The following HDHD5 variants were observed in gnomAD, a reference collection of about 807,000 sequenced individuals.
HDHD5 encodes haloacid dehalogenase like hydrolase domain containing 5, also known as haloacid dehalogenase-like hydrolase domain-containing 5.
In HDHD5, 34 loss-of-function variants were observed where a neutral mutation model predicts 35.5. That is an observed-to-expected ratio of 0.96 (90% CI 0.73 to 1.28). HDHD5 has a LOEUF of 1.28. Ranked by LOEUF, HDHD5 falls within the 50% of genes most tolerant of loss-of-function variation. HDHD5 has a pLI of 0.00. For synonymous variants in HDHD5, 248 were observed against 240.6 expected, an observed-to-expected ratio of 1.03 and a Z score of -0.29; for missense variants, 589 against 560.2, an observed-to-expected ratio of 1.05 and a Z score of -0.52.
chr22:17,140,245 T>C (rs1346156204), intron 6 of HDHD5, among the ~76,000 whole-genome samples: 3 of 152,196 alleles, frequency 2.0e-5, no homozygotes, highest in African/African-American at 7.2e-5. Flanking sequence ...ACACAGCAGC[T>C]GTCAGCTGGC....
intron 6 of HDHD5, among the ~76,000 whole-genome samples, chr22:17,140,815 G>A (rs1428684598): frequency 2.0e-5 from 3 of 152,196 alleles, no homozygotes; most frequent in African/African-American, 2.4e-5. Context: ...CAGGGGTCAC[G>A]TGTGAAACAT....
Position 17,141,174 on chromosome 22 carries a change from C to T in HDHD5, c.631G>A (p.Val211Ile), listed in dbSNP as rs2061597185. The change falls in exon 6 of 8, where the codon GTC becomes ATC. Residue 211 changes from valine (V) to isoleucine (I), a missense_variant. By Grantham distance (29) the Val-to-Ile change is conservative. Transcript: ENST00000336737. Reference protein sequence around the residue: ...WETSLQLIMDVLLSNGSPGAG... With the variant: ...WETSLQLIMDILLSNGSPGAG... ...CCAGGGCTCCCATTGCTGAGGAGGACATCCATGATCAGCTGCAGGCTGGTC... is the reference window on the plus strand; with the variant it reads ...CCAGGGCTCCCATTGCTGAGGAGGATATCCATGATCAGCTGCAGGCTGGTC... The T allele has an allele frequency of 6.3e-7, 1 of 1,597,658 alleles. No individual in the cohort carries two copies. Among genetic ancestry groups the T allele is most frequent in the Non-Finnish European group, 8.5e-7 (1 of 1,172,802 alleles).
At chr22:17,149,785 A>G (rs1244324416) in intron 1 of HDHD5, 40 bp from the exon 2 acceptor site, 2 of 1,576,716 alleles carry the variant, frequency 1.3e-6, no homozygotes, top group African/African-American at 2.7e-5. Context: ...CGTGAGTAAC[A>G]AAGAAACAAC....
chr22:17,154,141 C>T (rs1215228105), intron 1 of HDHD5, among the ~76,000 whole-genome samples: 4 of 149,792 alleles, frequency 2.7e-5, no homozygotes, highest in Admixed American at 1.3e-4. Context: ...GGATTACAGG[C>T]GTGAGCCACC....
At chr22:17,152,012 C>T (rs2061732093) in intron 1 of HDHD5, among the ~76,000 whole-genome samples, 1 of 152,132 alleles carries the variant, frequency 6.6e-6, no homozygotes, top group African/African-American at 2.4e-5. Flanking sequence ...CCCAGTCACC[C>T]CCAGACTAGA....
intron 1 of HDHD5, among the ~76,000 whole-genome samples, chr22:17,152,982 G>A (rs746849092): frequency 1.5e-4 from 23 of 151,910 alleles, no homozygotes; most frequent in Non-Finnish European, 2.8e-4. Flanking sequence ...AGCAACTCGA[G>A]CCAACAAGAT....
intron 1 of HDHD5, among the ~76,000 whole-genome samples, chr22:17,150,863 C>T (rs1353697978): frequency 2.0e-5 from 3 of 152,170 alleles, no homozygotes; most frequent in Non-Finnish European, 4.4e-5. Flanking sequence ...TCCTAAACAT[C>T]ATTTCTGGCT....
intron 1 of HDHD5, among the ~76,000 whole-genome samples, chr22:17,153,819 G>A (rs2123872942): frequency 6.6e-6 from 1 of 152,180 alleles, no homozygotes; most frequent in Non-Finnish European, 1.5e-5. Context: ...GGGAGAAATA[G>A]ATACTTCCCG....
upstream of HDHD5, among the ~76,000 whole-genome samples, chr22:17,160,010 G>C (rs1293619934): frequency 2.0e-5 from 3 of 152,238 alleles, no homozygotes; most frequent in Non-Finnish European, 4.4e-5. Context: ...GAGGCCCTTA[G>C]CAGAGCTGGA....
rs2061703396 is a variant in HDHD5 at position 17,149,638 on chromosome 22, C to T, written c.234G>A (p.Gln78=). Residue 78 remains glutamine (Q), a synonymous_variant, in exon 2 of 8, where the codon CAG becomes CAA. Transcript: ENST00000336737. ...LKAFRRLVNS[Q]GQLRVPVVFV... is the part of the protein sequence containing the mutation. ...AAACCACGGGCACCCGCAGCTGCCC[C>T]TGGGAGTTCACCAGCCTTCGGAAGG... The T allele has an allele frequency of 2.5e-5, 40 of 1,613,654 alleles. No homozygotes were observed. The East Asian group carries it at 8.5e-4, about 34-fold the overall frequency.
chr22:17,163,307 G>A (rs925319379), upstream of HDHD5, among the ~76,000 whole-genome samples: 8 of 152,140 alleles, frequency 5.3e-5, no homozygotes, highest in Non-Finnish European at 1.2e-4. Context: ...GGCTTCAGAG[G>A]TCCAGGATTC....
Position 17,145,131 on chromosome 22 carries a change from AG to A in HDHD5, c.444-15del, listed in dbSNP as rs541910955. On this transcript the variant is annotated splice_polypyrimidine_tract_variant and intron_variant, in intron 3 of 7. Transcript: ENST00000336737. ...CGGAAGCCCAGTCTGGAGCAAGCTC[AG>A]GAAGTAATGCTGGACAGTTCTTGGG... 1 of 1,614,036 alleles carries A rather than the reference AG, an allele frequency of 6.2e-7. No homozygotes were observed. Among genetic ancestry groups the A allele is most frequent in the Non-Finnish European group, 8.5e-7 (1 of 1,179,974 alleles).
intron 4 of HDHD5, among the ~76,000 whole-genome samples, chr22:17,144,489 C>G (rs1168474728): frequency 1.3e-5 from 2 of 150,894 alleles, no homozygotes; most frequent in Non-Finnish European, 2.9e-5. Flanking sequence ...TGTCAGCTCA[C>G]TGCAACCTCT....
chr22:17,137,896 T>C lies in HDHD5; in HGVS notation c.*125A>G. 2 of 704,540 alleles carry C rather than the reference T, an allele frequency of 2.8e-6. No individual in the cohort carries two copies. The highest frequency in any genetic ancestry group is 4.7e-6 in the Non-Finnish European group (2 of 424,540). The allele number at this position is 704,540 out of a possible 1,614,324, so 43.6% of individuals were successfully genotyped here. On this transcript the variant is annotated 3_prime_UTR_variant, in exon 8 of 8. Coordinates refer to ENST00000336737, the MANE Select transcript of HDHD5 (RefSeq NM_033070.3). The stretch of plus-strand genomic sequence containing the variant: ...CAAGTGACCAGTAATGCCACACTCA[T>C]GGGGCAGCAAGAAGGGTGGCAAGGG...
At chr22:17,161,510 G>C (rs937631746), upstream of HDHD5, among the ~76,000 whole-genome samples, 11 of 151,800 alleles carry the variant, frequency 7.2e-5, no homozygotes, top group Non-Finnish European at 1.3e-4. Flanking sequence ...AGAGAGCTGA[G>C]CTGAGATTGA....
In HDHD5 at chr22:17,141,123, G is replaced by A. The variant is rs2061595653; in HGVS notation, c.682C>T (p.Pro228Ser). 6 of 1,596,498 alleles carry A rather than the reference G, an allele frequency of 3.8e-6. No homozygotes were observed. The highest frequency in any genetic ancestry group is 5.1e-6 in the Non-Finnish European group (6 of 1,173,084). The change falls in exon 6 of 8, where the codon CCC becomes TCC. Residue 228 changes from proline (P) to serine (S), a missense_variant. Physicochemically the swap from Pro to Ser is moderately conservative, Grantham distance 74. Coordinates refer to ENST00000336737, the MANE Select transcript of HDHD5 (RefSeq NM_033070.3). ...PGAGLATPPY[P>S]HLPVLASNMD... ...TTGCTGGCTAGGACGGGGAGGTGGGGGTAGGGGGGTGTTGCCAGGCCAGCC... is the reference window on the plus strand; with the variant it reads ...TTGCTGGCTAGGACGGGGAGGTGGGAGTAGGGGGGTGTTGCCAGGCCAGCC...
At chr22:17,146,475 T>C (rs174778) in intron 3 of HDHD5, among the ~76,000 whole-genome samples, 4,334 of 45,364 alleles carry the variant, frequency 0.096, 4 homozygotes, top group East Asian at 0.11. Flanking sequence ...TCGCACACGC[T>C]CCACACCTGT....
chr22:17,162,652 T>C (rs2061870711), upstream of HDHD5, among the ~76,000 whole-genome samples: 1 of 152,236 alleles, frequency 6.6e-6, no homozygotes, highest in African/African-American at 2.4e-5. Flanking sequence ...AGACTGTGTG[T>C]GTACGTGATA....
chr22:17,160,974 G>C (rs892230971), upstream of HDHD5, among the ~76,000 whole-genome samples: 23 of 152,168 alleles, frequency 1.5e-4, no homozygotes, highest in African/African-American at 5.1e-4. Context: ...CAAAAGCATA[G>C]CCAGGCGCGG....
Sources: gnomAD v4.1 joint callset for allele counts (sites outside exome capture counted in the v4.1 genomes callset) on GRCh38, gnomAD v4.1.1 for gene constraint, MANE v1.5 for transcripts, NCBI Gene and HGNC (gene_info 2026-07-23, HGNC 2026-07-21) for gene names.